The following KCNIP4 variants were observed in gnomAD, a reference collection of about 807,000 sequenced individuals.
The protein encoded by KCNIP4 is Kv channel-interacting protein 4.
A neutral mutation model predicts 34.0 loss-of-function variants in KCNIP4; 12 were observed. That is an observed-to-expected ratio of 0.35 (90% CI 0.23 to 0.57). KCNIP4 has a LOEUF of 0.57. Among genes scored for constraint, KCNIP4 ranks in the 20% least tolerant of loss-of-function variants. The probability of loss-of-function intolerance (pLI) is 0.83; values close to 1 mark genes in which losing one functional copy is unlikely to be tolerated. For synonymous variants in KCNIP4, 124 were observed against 102.2 expected (o/e 1.21, Z -1.29); for missense variants, 238 against 311.7 (o/e 0.76, Z 1.78).
intron 1 of KCNIP4, among the ~76,000 whole-genome samples, chr4:21,334,706 A>G (rs1388888625): frequency 1.3e-5 from 2 of 152,024 alleles, no homozygotes; most frequent in Non-Finnish European, 2.9e-5. Flanking sequence ...ACACTAGTCT[A>G]CATTCTGTCT....
At chr4:21,873,675 C>A (rs1329614088) in intron 1 of KCNIP4, among the ~76,000 whole-genome samples, 1 of 152,142 alleles carries the variant, frequency 6.6e-6, no homozygotes, top group East Asian at 1.9e-4. Flanking sequence ...TTGCCAACCA[C>A]AACAAAATTA....
At chr4:21,828,288 TTAAA>T (rs1454640554) in intron 1 of KCNIP4, among the ~76,000 whole-genome samples, 1 of 151,742 alleles carries the variant, frequency 6.6e-6, no homozygotes, top group East Asian at 1.9e-4. Flanking sequence ...GGAAGCAGAC[TTAAA>T]TAAGTCATCC....
At chr4:21,900,416 G>T (rs1014415345) in intron 1 of KCNIP4, among the ~76,000 whole-genome samples, 1 of 152,162 alleles carries the variant, frequency 6.6e-6, no homozygotes, top group Non-Finnish European at 1.5e-5. Flanking sequence ...TTTCCTGAAT[G>T]AGTAATCCTC....
intron 3 of KCNIP4, among the ~76,000 whole-genome samples, chr4:20,841,995 G>A (rs1489175868): frequency 1.3e-5 from 2 of 152,028 alleles, no homozygotes; most frequent in African/African-American, 4.8e-5. Flanking sequence ...CCCATCGAAA[G>A]AAGCTCCCTG....
At chr4:21,499,752 A>G (rs1023741208) in intron 1 of KCNIP4, among the ~76,000 whole-genome samples, 5 of 152,150 alleles carry the variant, frequency 3.3e-5, no homozygotes, top group African/African-American at 1.2e-4. Context: ...TTTAAAACCA[A>G]CAATTACACA....
At chr4:21,652,977 A>G (rs1043348742) in intron 1 of KCNIP4, among the ~76,000 whole-genome samples, 1 of 152,178 alleles carries the variant, frequency 6.6e-6, no homozygotes, top group Non-Finnish European at 1.5e-5. Flanking sequence ...GTGATATGTC[A>G]TATAATTCAA....
intron 1 of KCNIP4, among the ~76,000 whole-genome samples, chr4:21,272,615 A>C (rs765508007): frequency 1.3e-5 from 2 of 152,174 alleles, no homozygotes; most frequent in Non-Finnish European, 2.9e-5. Context: ...AACAAAATGA[A>C]TGTACTTTGA....
chr4:20,888,486 G>T (rs1311741090), intron 1 of KCNIP4, among the ~76,000 whole-genome samples: 1 of 152,000 alleles, frequency 6.6e-6, no homozygotes, highest in East Asian at 1.9e-4. Context: ...GTGTGTGAAG[G>T]CACTCTCTTA....
At chr4:21,112,049 C>CTATCTATCTATCTATCTATCTATCTATA (rs1349657294) in intron 1 of KCNIP4, among the ~76,000 whole-genome samples, 2,771 of 151,800 alleles carry the variant, frequency 0.018, 35 homozygotes, top group Middle Eastern at 0.071. Context: ...ATCTATCTAT[C>CTATCTATCTATCTATCTATCTATCTATA]TATCTATCTA....
intron 1 of KCNIP4, among the ~76,000 whole-genome samples, chr4:21,643,768 C>T (rs181413127): frequency 3.1e-4 from 47 of 152,160 alleles, no homozygotes; most frequent in African/African-American, 1.1e-3. Context: ...AGCTGCCAGA[C>T]TATCCTGCAG....
At chr4:20,920,024 T>A (rs1047946600) in intron 1 of KCNIP4, among the ~76,000 whole-genome samples, 47 of 152,156 alleles carry the variant, frequency 3.1e-4, no homozygotes, top group African/African-American at 1.1e-3. Flanking sequence ...TCTAGGCCAT[T>A]TGAAATGAGA....
At chr4:21,388,300 A>T (rs1722222133) in intron 1 of KCNIP4, among the ~76,000 whole-genome samples, 1 of 150,654 alleles carries the variant, frequency 6.6e-6, no homozygotes, top group South Asian at 2.1e-4. Flanking sequence ...ATATAATTTT[A>T]AAAAGCCTCA....
chr4:21,463,879 T>A (rs358567), intron 1 of KCNIP4, among the ~76,000 whole-genome samples: 4,697 of 152,194 alleles, frequency 0.031, 274 homozygotes, highest in African/African-American at 0.11. Context: ...TGAAATTAAA[T>A]CATTTTACTT....
At chr4:20,767,186 A>G (rs1392851967) in intron 3 of KCNIP4, 1 of 152,194 alleles carries the variant, frequency 6.6e-6, no homozygotes, top group Non-Finnish European at 1.5e-5. Context: ...CTAGAATAAC[A>G]CAGGTCTGAA....
At chr4:21,928,143 C>CACAT (rs1729375324) in intron 1 of KCNIP4, among the ~76,000 whole-genome samples, 1 of 151,560 alleles carries the variant, frequency 6.6e-6, no homozygotes, top group East Asian at 1.9e-4. Context: ...CACACACACA[C>CACAT]ACACCATACT....
chr4:21,384,076 C>T (rs965371598), intron 1 of KCNIP4, among the ~76,000 whole-genome samples: 1 of 152,062 alleles, frequency 6.6e-6, no homozygotes, highest in African/African-American at 2.4e-5. Flanking sequence ...CTTGTTCTTC[C>T]CTCTATCCAG....
At chr4:21,193,984 G>T (rs1755871049) in intron 1 of KCNIP4, among the ~76,000 whole-genome samples, 1 of 152,180 alleles carries the variant, frequency 6.6e-6, no homozygotes, top group Non-Finnish European at 1.5e-5. Context: ...ATTGTGTAAA[G>T]GGGGAGGTTT....
chr4:21,745,564 ACT>A lies in KCNIP4; in HGVS notation c.61+203005_61+203006del, dbSNP rs565459458. Among the ~76,000 whole-genome samples, 3 of 152,218 alleles carry A rather than the reference ACT, an allele frequency of 2.0e-5. No homozygotes were observed. In the South Asian group the frequency reaches 6.2e-4, roughly 32 times the overall value. Reference sequence around the variant, plus strand: ...AATTCACCTACTTTTGTGAGTCTGTACTCTCAAACTTGGAAAATAGTTATATT... The same window carrying A: ...AATTCACCTACTTTTGTGAGTCTGTACTCAAACTTGGAAAATAGTTATATT... On this transcript the variant is annotated intron_variant, in intron 1 of 8. Coordinates refer to ENST00000382152, the MANE Select transcript of KCNIP4 (RefSeq NM_025221.6).
chr4:21,510,307 T>C (rs9995812), intron 1 of KCNIP4, among the ~76,000 whole-genome samples: 7 of 152,196 alleles, frequency 4.6e-5, no homozygotes, highest in African/African-American at 1.7e-4. Flanking sequence ...TAAGAAAGTA[T>C]GCACTTCAAA....
Sources: gnomAD v4.1 joint callset for allele counts (sites outside exome capture counted in the v4.1 genomes callset) on GRCh38, gnomAD v4.1.1 for gene constraint, MANE v1.5 for transcripts, NCBI Gene and HGNC (gene_info 2026-07-23, HGNC 2026-07-21) for gene names.